FBH1: variants seen among roughly 807,000 people sequenced by gnomAD.
The protein encoded by FBH1 is DNA 3'-5' helicase 1.
FBH1 carries 43 observed loss-of-function variants against 115.5 expected under a neutral mutation model. That is an observed-to-expected ratio of 0.37 (90% confidence interval 0.29 to 0.48). FBH1 has a LOEUF of 0.48. Ranked by LOEUF, FBH1 falls within the 20% of genes least tolerant of loss-of-function variation. FBH1 has a pLI of 0.99. For synonymous variants in FBH1, 524 were observed against 507.8 expected (o/e 1.03, Z -0.43); for missense variants, 1,001 against 1,337.3 (o/e 0.75, Z 3.92).
chr10:5,909,718 C>T lies in FBH1; in HGVS notation c.1020+424C>T, dbSNP rs957199401. On this transcript the variant is annotated intron_variant, in intron 5 of 20. Coordinates refer to ENST00000362091, the MANE Select transcript of FBH1 (RefSeq NM_178150.3). The surrounding 1 kb of genome is among the most constrained non-coding windows in gnomAD (Gnocchi z 4.4). ...TGAGGTAATGAGAAGCTGGAAATAACCCTCAGTCTCCTTGAATCTCAGCCC... is the reference window on the plus strand; with the variant it reads ...TGAGGTAATGAGAAGCTGGAAATAATCCTCAGTCTCCTTGAATCTCAGCCC... Among the ~76,000 whole-genome samples, 6 of 152,202 alleles carry T rather than the reference C, an allele frequency of 3.9e-5. No individual in the cohort carries two copies. Among genetic ancestry groups the T allele is most frequent in the Non-Finnish European group, 8.8e-5 (6 of 68,044 alleles).
chr10:5,925,600 A>C lies in FBH1; in HGVS notation c.2722+108A>C. 6.7e-7 allele frequency: 1 copy of C among 1,485,742 alleles called. No homozygotes were observed. Among genetic ancestry groups the C allele is most frequent in the Non-Finnish European group, 9.1e-7 (1 of 1,101,976 alleles). 92.0% of individuals were successfully genotyped at this position (1,485,742 alleles called of 1,614,324 possible). On this transcript the variant is annotated intron_variant, in intron 18 of 20. Transcript: ENST00000362091. This position sits in a 1 kb window ranked among gnomAD's most constrained non-coding sequence, Gnocchi z 4.6. ...TTGTTGGATGGTGTGGCCTCCTGGT[A>C]GGGCACTTCTGGAAAAACTAAACCA...
In FBH1 at chr10:5,903,006, C is replaced by T. The variant is rs377038894; in HGVS notation, c.2-14C>T. 6.3e-7 allele frequency: 1 copy of T among 1,595,104 alleles called. No homozygotes were observed. The highest frequency in any genetic ancestry group is 8.6e-7 in the Non-Finnish European group (1 of 1,167,916). ...ATGAATATCCCCTTTCTTCTACCTG[C>T]TGGTATGAAACAGTGAGACGGTTTA... On this transcript the variant is annotated splice_polypyrimidine_tract_variant and intron_variant, in intron 1 of 20. Coordinates refer to ENST00000362091, the MANE Select transcript of FBH1 (RefSeq NM_178150.3).
intron 19 of FBH1, among the ~76,000 whole-genome samples, chr10:5,930,703 GAAAA>G (rs1008330690): frequency 1.3e-5 from 2 of 151,828 alleles, no homozygotes; most frequent in African/African-American, 4.8e-5. Flanking sequence ...TGAAAAGAAA[GAAAA>G]AAAAACAGTG....
rs1315202942 is a variant in FBH1, at chr10:5,924,488, T to C, written c.2576T>C (p.Ile859Thr). Residue 859 changes from isoleucine (I) to threonine (T), a missense_variant, in exon 17 of 21, where the codon ATA becomes ACA. Around this residue, in one of 4 missense-constraint regions of FBH1, gnomAD observed 521 missense variants for 811.0 expected, o/e 0.64. Transcript: ENST00000362091. This position sits in a 1 kb window ranked among gnomAD's most constrained non-coding sequence, Gnocchi z 6.2. ...GTGCAAAGGATAGAAAAATGCCATATAGAAGATTTGGACTTTGCAGGTAAG... is the reference window on the plus strand; with the variant it reads ...GTGCAAAGGATAGAAAAATGCCATACAGAAGATTTGGACTTTGCAGGTAAG... ...ELVQRIEKCHIEDLDFAEYIL... is the reference protein window; with the variant it reads ...ELVQRIEKCHTEDLDFAEYIL... The C allele has an allele frequency of 1.2e-6, 2 of 1,613,754 alleles. No homozygotes were observed. The highest frequency in any genetic ancestry group is 1.7e-6 in the Non-Finnish European group (2 of 1,179,944).
Position 5,890,314 on chromosome 10 carries a change from G to A in FBH1, c.-32G>A. 1 of 376,868 alleles carries A rather than the reference G, an allele frequency of 2.7e-6. No homozygotes were observed. Among genetic ancestry groups the A allele is most frequent in the Middle Eastern group, 7.3e-4 (1 of 1,374 alleles). 23.3% of individuals were successfully genotyped at this position (376,868 alleles called of 1,614,324 possible). A position where few individuals can be genotyped will look rare whatever the true frequency, so the allele number is the denominator to read the frequency against. On this transcript the variant is annotated 5_prime_UTR_variant, in exon 1 of 21. Coordinates refer to ENST00000362091, the MANE Select transcript of FBH1 (RefSeq NM_178150.3). ...CGGCCGGCGGCGCGGGCCCGGCGGC[G>A]GCGGCAGCGGGGTCCGGGTCCGGAG... is the stretch of plus-strand genomic sequence containing the variant.
At position 5,917,823 on chromosome 10, in the gene FBH1, GC is replaced by G. The variant is rs1332710874; in HGVS notation, c.1963+151del. The G allele has an allele frequency of 1.1e-5, 8 of 728,710 alleles. No homozygotes were observed. The highest frequency in any genetic ancestry group is 1.8e-5 in the Non-Finnish European group (8 of 441,162). The allele number at this position is 728,710 out of a possible 1,614,324, so 45.1% of individuals were successfully genotyped here. A position where few individuals can be genotyped will look rare whatever the true frequency, so the allele number is the denominator to read the frequency against. On this transcript the variant is annotated intron_variant, in intron 12 of 20. Transcript: ENST00000362091. The surrounding 1 kb of genome is among the most constrained non-coding windows in gnomAD (Gnocchi z 5.6). ...CATACTTACCTTAGGATTTCAAGCT[GC>G]CCCTTCCCCTCACCCAAGCAGATTT...
chr10:5,903,170 G>T lies in FBH1; in HGVS notation c.152G>T (p.Ser51Ile). The T allele has an allele frequency of 6.2e-7, 1 of 1,608,448 alleles. No homozygotes were observed. Among genetic ancestry groups the T allele is most frequent in the Non-Finnish European group, 8.5e-7 (1 of 1,177,168 alleles). The change falls in exon 2 of 21, where the codon AGT becomes ATT. Residue 51 changes from serine to isoleucine, a missense_variant. Coordinates refer to ENST00000362091, the MANE Select transcript of FBH1 (RefSeq NM_178150.3). ...CCTAAACCGAGAACAAAAAGAGGGA[G>T]TAGGGGTATGTCTCCTCTAAAACTC... ...LYPKPRTKRG[S>I]RGQGSQRCIP...
rs1832943792 is a variant in FBH1 at position 5,931,051 on chromosome 10, A to G, written c.2829+3510A>G. Among the ~76,000 whole-genome samples, 1 of 152,156 alleles carries G rather than the reference A, an allele frequency of 6.6e-6. No homozygotes were observed. The highest frequency in any genetic ancestry group is 6.5e-5 in the Admixed American group (1 of 15,272). Reference sequence around the variant, plus strand: ...GTTCTGGGATTATAGGTGTGACACCAGGCAAATTTCAACATTTTGTTGTTA... The same window carrying G: ...GTTCTGGGATTATAGGTGTGACACCGGGCAAATTTCAACATTTTGTTGTTA... On this transcript the variant is annotated intron_variant, in intron 19 of 20. Transcript: ENST00000362091. The surrounding 1 kb of genome is among the most constrained non-coding windows in gnomAD (Gnocchi z 4.3).
chr10:5,906,351 A>T lies in FBH1; in HGVS notation c.472A>T (p.Arg158Trp). ...PRHHLSVPCT[R>W]PREARQEAED... ...GCACCATTTGTCTGTGCCATGCACA[A>T]GGCCTAGGGAGGCCAGGCAAGAAGC... Residue 158 changes from arginine (R) to tryptophan (W), a missense_variant, in exon 3 of 21, where the codon AGG becomes TGG. Transcript: ENST00000362091. The surrounding 1 kb of genome is among the most constrained non-coding windows in gnomAD (Gnocchi z 7.3). 1 of 1,614,216 alleles carries T rather than the reference A, an allele frequency of 6.2e-7. No homozygotes were observed. Among genetic ancestry groups the T allele is most frequent in the African/African-American group, 1.3e-5 (1 of 75,078 alleles).
chr10:5,894,387 T>C (rs1842894507), intron 1 of FBH1: 2 of 1,580,840 alleles, frequency 1.3e-6, no homozygotes, highest in Non-Finnish European at 1.7e-6. Flanking sequence ...TTTCAGAAGC[T>C]GCTTTCAAGG....
chr10:5,924,281 C>A lies in FBH1; in HGVS notation c.2399-30C>A. The A allele has an allele frequency of 6.2e-7, 1 of 1,608,496 alleles. No homozygotes were observed. The highest frequency in any genetic ancestry group is 8.5e-7 in the Non-Finnish European group (1 of 1,175,274). On this transcript the variant is annotated intron_variant, in intron 16 of 20. Transcript: ENST00000362091. The surrounding 1 kb of genome is among the most constrained non-coding windows in gnomAD (Gnocchi z 6.2). The stretch of plus-strand genomic sequence containing the variant: ...CACCATCTGTTAGTGGAGCTTGTGT[C>A]ACCTTAATTTGTGTGTATATTCTTC...
At chr10:5,890,199 G>C (rs987987880), upstream of FBH1, 2 of 343,534 alleles carry the variant, frequency 5.8e-6, no homozygotes, top group Non-Finnish European at 5.5e-6. Flanking sequence ...GGCTGCGGCG[G>C]GGCGGAGCTC....
chr10:5,927,146 T>C (rs1832704164), intron 18 of FBH1, among the ~76,000 whole-genome samples: 1 of 152,236 alleles, frequency 6.6e-6, no homozygotes, highest in African/African-American at 2.4e-5. Context: ...ATAATGACTG[T>C]AAACAGCCAT....
At position 5,893,991 on chromosome 10, in the gene FBH1, G is replaced by A. The variant is rs543283872; in HGVS notation, c.1+3645G>A. On this transcript the variant is annotated intron_variant, in intron 1 of 20. Transcript: ENST00000362091. ...TCTTTCTTTAGGAAAAACATAGAAC[G>A]GAAAGCCCAGCCCATCCTTGTTGGC... is the stretch of plus-strand genomic sequence containing the variant. The A allele has an allele frequency of 5.8e-5, 57 of 985,374 alleles. No individual in the cohort carries two copies. In the South Asian group the frequency reaches 8.9e-4, roughly 15 times the overall value. The allele number at this position is 985,374 out of a possible 1,614,324, so 61.0% of individuals were successfully genotyped here.
rs1832948266 is a variant in FBH1 at position 5,931,146 on chromosome 10, T to C, written c.2829+3605T>C. Among the ~76,000 whole-genome samples, 1 of 152,222 alleles carries C rather than the reference T, an allele frequency of 6.6e-6. No individual in the cohort carries two copies. Among genetic ancestry groups the C allele is most frequent in the Admixed American group, 6.5e-5 (1 of 15,278 alleles). ...ATGATGTTGTGAGCATCCACCAGAT[T>C]AGAAGATGGGATCTGCCAGCCATCA... On this transcript the variant is annotated intron_variant, in intron 19 of 20. Transcript: ENST00000362091. This position sits in a 1 kb window ranked among gnomAD's most constrained non-coding sequence, Gnocchi z 4.3.
Position 5,924,467 on chromosome 10 carries a change from A to G in FBH1, c.2555A>G (p.Gln852Arg). ...KYNIRIPELV[Q>R]RIEKCHIEDL... is the part of the protein sequence containing the mutation. ...AACATCAGGATTCCAGAGCTGGTGC[A>G]AAGGATAGAAAAATGCCATATAGAA... The change falls in exon 17 of 21, where the codon CAA becomes CGA. Residue 852 changes from glutamine to arginine, a missense_variant. Physicochemically the swap from Gln to Arg is conservative, Grantham distance 43. Transcript: ENST00000362091. This position sits in a 1 kb window ranked among gnomAD's most constrained non-coding sequence, Gnocchi z 6.2. 6.2e-7 allele frequency: 1 copy of G among 1,614,144 alleles called. No individual in the cohort carries two copies. The highest frequency in any genetic ancestry group is 8.5e-7 in the Non-Finnish European group (1 of 1,179,976).
In FBH1 at chr10:5,917,573, G is replaced by A. The variant is rs150202281; in HGVS notation, c.1877-17G>A. On this transcript the variant is annotated splice_polypyrimidine_tract_variant and intron_variant, in intron 11 of 20. Coordinates refer to ENST00000362091, the MANE Select transcript of FBH1 (RefSeq NM_178150.3). This position sits in a 1 kb window ranked among gnomAD's most constrained non-coding sequence, Gnocchi z 5.6. ...GCCTTCCTGGCGTTACAACTCCTGC[G>A]TCTCTCCTTATTTTAGGCTACTTGA... The A allele has an allele frequency of 6.2e-6, 10 of 1,613,950 alleles. No homozygotes were observed. The highest frequency in any genetic ancestry group is 1.3e-5 in the African/African-American group (1 of 75,030).
rs762034218 is a variant in FBH1, at chr10:5,927,589, T to C, written c.2829+48T>C. On this transcript the variant is annotated intron_variant, in intron 19 of 20. Transcript: ENST00000362091. ...GCTAACTTGATGCCATTGAATGTTA[T>C]TTAGTCTGCTTGAGGGGCTGACCTG... 10 of 1,478,978 alleles carry C rather than the reference T, an allele frequency of 6.8e-6. No individual in the cohort carries two copies. In the East Asian group the frequency reaches 1.8e-4, roughly 27 times the overall value. The allele number at this position is 1,478,978 out of a possible 1,614,324, so 91.6% of individuals were successfully genotyped here.
rs1842938860 is a variant in FBH1, at chr10:5,895,129, C to T, written c.1+4783C>T. 1 of 1,614,014 alleles carries T rather than the reference C, an allele frequency of 6.2e-7. No homozygotes were observed. The highest frequency in any genetic ancestry group is 1.1e-5 in the South Asian group (1 of 91,072). ...ATTGCGCAGGGCCCCTGGGCCATCT[C>T]CACAGGAGATGCCAGAGGACGAGTG... On this transcript the variant is annotated intron_variant, in intron 1 of 20. Coordinates refer to ENST00000362091, the MANE Select transcript of FBH1 (RefSeq NM_178150.3). The surrounding 1 kb of genome is among the most constrained non-coding windows in gnomAD (Gnocchi z 5.0).
Sources: allele counts gnomAD v4.1 joint callset (sites outside exome capture counted in the v4.1 genomes callset), GRCh38; gene constraint gnomAD v4.1.1; regional missense constraint gnomAD v4.1.1; non-coding constraint Gnocchi (gnomAD v3.1); transcripts MANE v1.5; gene names NCBI Gene and HGNC (gene_info 2026-07-23, HGNC 2026-07-21).